The following MMUT variants were observed in gnomAD, a reference collection of about 807,000 sequenced individuals.
MMUT encodes the protein methylmalonyl-CoA mutase.
In MMUT, 79 loss-of-function variants were observed where a neutral mutation model predicts 79.9. The observed-to-expected ratio is 0.99, with a 90% CI of 0.82 to 1.19. The LOEUF is 1.19. Ranked by LOEUF, MMUT falls within the 50% of genes most tolerant of loss-of-function variation. The pLI is 0.00. For missense variants in MMUT, 860 were observed against 917.2 expected (o/e 0.94, Z 0.81); for synonymous variants, 273 against 295.7 (o/e 0.92, Z 0.79).
In MMUT at chr6:49,431,485, T is replaced by C. The variant is rs1234851615; in HGVS notation, c.*243A>G. The C allele has an allele frequency of 3.5e-6, 1 of 289,646 alleles. No homozygotes were observed. Among genetic ancestry groups the C allele is most frequent in the African/African-American group, 2.2e-5 (1 of 45,328 alleles). The allele number at this position is 289,646 out of a possible 1,614,324, so 17.9% of individuals were successfully genotyped here. Reference sequence around the variant, plus strand: ...AAATAATACCATTGTCCAGAGTTCTTGATAAAGTATTGTTATAGAGAGTAT... The same window carrying C: ...AAATAATACCATTGTCCAGAGTTCTCGATAAAGTATTGTTATAGAGAGTAT... On this transcript the variant is annotated 3_prime_UTR_variant, in exon 13 of 13. Coordinates refer to ENST00000274813, the MANE Select transcript of MMUT (RefSeq NM_000255.4).
At chr6:49,460,497 A>G (rs1767814448) in intron 1 of MMUT, among the ~76,000 whole-genome samples, 1 of 152,208 alleles carries the variant, frequency 6.6e-6, no homozygotes, top group Non-Finnish European at 1.5e-5. Flanking sequence ...ACTAGCATAG[A>G]CTTTTATACT....
chr6:49,450,713 A>G (rs1294470549), intron 6 of MMUT, among the ~76,000 whole-genome samples: 1 of 152,228 alleles, frequency 6.6e-6, no homozygotes. Context: ...AAAGTTTCAA[A>G]TAATTTATCT....
In MMUT at chr6:49,453,570, A is replaced by C; in HGVS notation, c.1083+15T>G. ...TAACTTTATTAAAATTCTACATTTT[A>C]AATTATATACATACCTGCTCAGTAA... On this transcript the variant is annotated intron_variant, in intron 5 of 12. Coordinates refer to ENST00000274813, the MANE Select transcript of MMUT (RefSeq NM_000255.4). The C allele has an allele frequency of 6.7e-7, 1 of 1,495,472 alleles. No individual in the cohort carries two copies. The highest frequency in any genetic ancestry group is 9.1e-7 in the Non-Finnish European group (1 of 1,100,466). 92.6% of individuals were successfully genotyped at this position (1,495,472 alleles called of 1,614,324 possible).
chr6:49,455,478 T>C (rs1767662854), intron 4 of MMUT, among the ~76,000 whole-genome samples: 1 of 152,200 alleles, frequency 6.6e-6, no homozygotes, highest in South Asian at 2.1e-4. Flanking sequence ...CTATAAACAC[T>C]AAAGGCAGAA....
chr6:49,450,229 TAAA>T (rs771420446), intron 6 of MMUT, among the ~76,000 whole-genome samples: 3 of 124,728 alleles, frequency 2.4e-5, no homozygotes, highest in Non-Finnish European at 1.7e-5. Context: ...GACTCTGTCT[TAAA>T]AAAAAAAAAA....
At chr6:49,440,531 G>A (rs546095473) in intron 10 of MMUT, among the ~76,000 whole-genome samples, 178 bp from the exon 11 acceptor site, 58 of 151,666 alleles carry the variant, frequency 3.8e-4, no homozygotes, top group African/African-American at 1.4e-3. Context: ...GGGTTAATGT[G>A]CAGGCTTGTT....
intron 8 of MMUT, among the ~76,000 whole-genome samples, chr6:49,446,373 T>C (rs1041357420): frequency 2.6e-5 from 4 of 152,100 alleles, no homozygotes; most frequent in South Asian, 4.1e-4. Flanking sequence ...ATTCTAGCTA[T>C]GAAAATTAAT....
chr6:49,440,767 G>A (rs565705431), intron 10 of MMUT, among the ~76,000 whole-genome samples: 8 of 152,092 alleles, frequency 5.3e-5, no homozygotes, highest in Non-Finnish European at 1.0e-4. Context: ...AGAACATCAC[G>A]GTGAACTAAG....
At chr6:49,450,258 T>C (rs1160804200) in intron 6 of MMUT, among the ~76,000 whole-genome samples, 1 of 146,760 alleles carries the variant, frequency 6.8e-6, no homozygotes, top group African/African-American at 2.5e-5. Context: ...GATAAGAACA[T>C]CAGCACATCA....
chr6:49,451,549 C>T lies in MMUT; in HGVS notation c.1249G>A (p.Gly417Arg). ...CAAGGATCAGCCACTTTGGGAATCC[C>T]AGATTCTTCTTGAATGATGATTTGT... ...NTQIIIQEES[G>R]IPKVADPWGG... Residue 417 changes from glycine to arginine, a missense_variant, in exon 6 of 13, where the codon GGG (glycine) becomes AGG (arginine). Physicochemically the swap from Gly to Arg is moderately radical, Grantham distance 125. Coordinates refer to ENST00000274813, the MANE Select transcript of MMUT (RefSeq NM_000255.4). The T allele has an allele frequency of 6.2e-7, 1 of 1,614,098 alleles. No homozygotes were observed. The highest frequency in any genetic ancestry group is 8.5e-7 in the Non-Finnish European group (1 of 1,180,004).
chr6:49,444,521 A>G, intron 9 of MMUT, 118 bp downstream of exon 9: 1 of 793,376 alleles, frequency 1.3e-6, no homozygotes, highest in Non-Finnish European at 2.2e-6. Flanking sequence ...GATGGATGCC[A>G]TTATTTTCTT....
Position 49,447,644 on chromosome 6 carries a change from A to C in MMUT, c.1560+26T>G, listed in dbSNP as rs751575579. 3 of 1,436,036 alleles carry C rather than the reference A, an allele frequency of 2.1e-6. No homozygotes were observed. The African/African-American group carries it at 4.2e-5, about 20-fold the overall frequency. The allele number at this position is 1,436,036 out of a possible 1,614,324, so 89.0% of individuals were successfully genotyped here. On this transcript the variant is annotated intron_variant, in intron 8 of 12. Coordinates refer to ENST00000274813, the MANE Select transcript of MMUT (RefSeq NM_000255.4). ...CCAGAACACAGAAAATACTTAAAAA[A>C]AAAAAAAAAAGCAAGCTATTAATAC...
chr6:49,432,380 T>C (rs1427101542), intron 12 of MMUT, among the ~76,000 whole-genome samples: 1 of 152,028 alleles, frequency 6.6e-6, no homozygotes, highest in Non-Finnish European at 1.5e-5. Context: ...AGTTTATTTA[T>C]TTGTTTTGTT....
intron 7 of MMUT, 21 bp downstream of exon 7, chr6:49,448,795 T>C (rs1367481906): frequency 1.9e-6 from 3 of 1,549,082 alleles, no homozygotes; most frequent in Non-Finnish European, 2.7e-6. Context: ...ATTTCATATA[T>C]GAACTTTCTC....
intron 5 of MMUT, among the ~76,000 whole-genome samples, chr6:49,453,035 C>CTTTGTTTTTTTTTTTTTTTTTTTT (rs1767592628): frequency 8.5e-6 from 1 of 117,030 alleles, no homozygotes; most frequent in African/African-American, 3.1e-5. Flanking sequence ...TTCTTTCTTT[C>CTTTGTTTTTTTTTTTTTTTTTTTT]TTTGTTTTTT....
intron 9 of MMUT, 97 bp downstream of exon 9, chr6:49,444,542 A>G (rs1194549177): frequency 9.4e-6 from 9 of 956,230 alleles, no homozygotes; most frequent in Non-Finnish European, 1.5e-5. Context: ...TTGGGCTCAC[A>G]TGGTTTACAG....
rs121918254 is a variant in MMUT, at chr6:49,440,295, C to T, written c.1867G>A (p.Gly623Arg). 6.8e-6 allele frequency: 11 copies of T among 1,613,898 alleles called. No homozygotes were observed. In the African/African-American group the frequency reaches 1.3e-4, roughly 20 times the overall value. ...GCTCCTCTGTCATGGCCATCTTGTC[C>T]CATTTTTGCTACAAGAAGACGAGGT... is the stretch of plus-strand genomic sequence containing the variant. ...RRPRLLVAKM[G>R]QDGHDRGAKV... is the part of the protein sequence containing the mutation. The change falls in exon 11 of 13, where the codon GGA (glycine) becomes AGA (arginine). Residue 623 changes from glycine to arginine, a missense_variant. Physicochemically the swap from Gly to Arg is moderately radical, Grantham distance 125. Coordinates refer to ENST00000274813, the MANE Select transcript of MMUT (RefSeq NM_000255.4).
intron 5 of MMUT, among the ~76,000 whole-genome samples, chr6:49,453,364 AT>A (rs1434239975): frequency 1.3e-5 from 2 of 151,736 alleles, no homozygotes; most frequent in Admixed American, 6.6e-5. Flanking sequence ...GATGTAAGTG[AT>A]TTTATATTGT....
intron 4 of MMUT, among the ~76,000 whole-genome samples, chr6:49,454,344 A>G (rs1273292240): frequency 2.0e-5 from 3 of 152,110 alleles, no homozygotes; most frequent in Non-Finnish European, 4.4e-5. Flanking sequence ...GTCTTGTTCT[A>G]TTGCACAGGC....
Sources: allele counts gnomAD v4.1 joint callset (sites outside exome capture counted in the v4.1 genomes callset), GRCh38; gene constraint gnomAD v4.1.1; transcripts MANE v1.5; gene names NCBI Gene and HGNC (gene_info 2026-07-23, HGNC 2026-07-21).